Variants in RGS7BP observed in about 807,000 individuals in gnomAD.
RGS7BP encodes regulator of G protein signaling 7 binding protein, also known as regulator of G protein signaling 7-binding protein.
Under a neutral mutation model 31.3 loss-of-function variants are expected in RGS7BP, and 9 were observed. The ratio of observed to expected loss-of-function variants is 0.29; its 90% CI spans 0.17 to 0.50. RGS7BP has a LOEUF of 0.50. RGS7BP is among the 20% of genes least tolerant of loss of function. The pLI is 0.98. For synonymous variants in RGS7BP, 115 were observed against 120.1 expected (o/e 0.96, Z 0.28); for missense variants, 274 against 322.0 (o/e 0.85, Z 1.14).
intron 3 of RGS7BP, among the ~76,000 whole-genome samples, chr5:64,578,067 T>G (rs1458487372): frequency 6.6e-6 from 1 of 152,226 alleles, no homozygotes; most frequent in Non-Finnish European, 1.5e-5. Context: ...CTGCTAGCTA[T>G]CTGTTTATAA....
rs950053268 is a variant in RGS7BP, at chr5:64,566,514, C to A, written c.333-9260C>A. Among the ~76,000 whole-genome samples, 4 of 151,918 alleles carry A rather than the reference C, an allele frequency of 2.6e-5. No homozygotes were observed. In the East Asian group the frequency reaches 7.8e-4, roughly 29 times the overall value. ...GGTGGGATGAGATGTTACTAGTAAG[C>A]ATGTTCTGGGTGGTCCTCTGGGTGC... On this transcript the variant is annotated intron_variant, in intron 2 of 5. Coordinates refer to ENST00000334025, the MANE Select transcript of RGS7BP (RefSeq NM_001029875.3).
At chr5:64,558,581 T>A (rs1459987451) in intron 2 of RGS7BP, among the ~76,000 whole-genome samples, 1 of 152,096 alleles carries the variant, frequency 6.6e-6, no homozygotes, top group African/African-American at 2.4e-5. Context: ...AAGCCTGTGT[T>A]TTTGAACAAT....
intron 3 of RGS7BP, among the ~76,000 whole-genome samples, chr5:64,578,915 A>G (rs1295941950): frequency 6.6e-6 from 1 of 152,250 alleles, no homozygotes; most frequent in East Asian, 1.9e-4. Context: ...ACCAAATCAG[A>G]AATGCCTCTA....
chr5:64,557,347 ACT>A (rs1451239202), intron 2 of RGS7BP, among the ~76,000 whole-genome samples: 3 of 151,888 alleles, frequency 2.0e-5, no homozygotes, highest in South Asian at 4.2e-4. Context: ...TCCTGGTATT[ACT>A]CTTTCATTTT....
At chr5:64,595,004 T>A in intron 4 of RGS7BP, 147 bp downstream of exon 4, 1 of 807,566 alleles carries the variant, frequency 1.2e-6, no homozygotes, top group Non-Finnish European at 1.9e-6. Context: ...TCAGGGACCC[T>A]GGAGACTGCC....
chr5:64,582,827 A>C (rs753350424), intron 3 of RGS7BP, among the ~76,000 whole-genome samples: 1 of 152,230 alleles, frequency 6.6e-6, no homozygotes, highest in Non-Finnish European at 1.5e-5. Flanking sequence ...ATTCAGCATC[A>C]TATTAAGAAA....
At chr5:64,559,439 A>G (rs879931507) in intron 2 of RGS7BP, among the ~76,000 whole-genome samples, 2 of 152,180 alleles carry the variant, frequency 1.3e-5, no homozygotes, top group African/African-American at 2.4e-5. Flanking sequence ...CCTGCTTTAA[A>G]TATCAACCTT....
At chr5:64,593,596 A>G (rs1177217204) in intron 3 of RGS7BP, among the ~76,000 whole-genome samples, 1 of 152,152 alleles carries the variant, frequency 6.6e-6, no homozygotes, top group Non-Finnish European at 1.5e-5. Flanking sequence ...TATAATAGCT[A>G]CCCTTTTTTC....
intron 2 of RGS7BP, among the ~76,000 whole-genome samples, chr5:64,554,612 G>T (rs1037430352): frequency 6.6e-6 from 1 of 152,066 alleles, no homozygotes; most frequent in Admixed American, 6.6e-5. Flanking sequence ...AATACATCTC[G>T]GGAATCTACA....
At chr5:64,558,637 TCAGG>T (rs1741980818) in intron 2 of RGS7BP, among the ~76,000 whole-genome samples, 1 of 152,108 alleles carries the variant, frequency 6.6e-6, no homozygotes, top group Admixed American at 6.5e-5. Flanking sequence ...ATAGCAATGT[TCAGG>T]GAACAAGGGA....
At chr5:64,572,690 A>AT (rs1742326620) in intron 2 of RGS7BP, among the ~76,000 whole-genome samples, 1 of 152,088 alleles carries the variant, frequency 6.6e-6, no homozygotes, top group Admixed American at 6.6e-5. Context: ...GGTGGCACCT[A>AT]TTCAGTTCTT....
At chr5:64,595,518 T>C (rs1333713350) in intron 4 of RGS7BP, among the ~76,000 whole-genome samples, 5 of 152,148 alleles carry the variant, frequency 3.3e-5, no homozygotes, top group Admixed American at 3.3e-4. Context: ...GATTTTATTT[T>C]ATTTAGGAAA....
chr5:64,549,393 C>T (rs932048711), intron 2 of RGS7BP, among the ~76,000 whole-genome samples: 2 of 152,222 alleles, frequency 1.3e-5, no homozygotes, highest in Non-Finnish European at 2.9e-5. Context: ...TCCAGGTCAA[C>T]TGGGTGGCAG....
intron 2 of RGS7BP, among the ~76,000 whole-genome samples, chr5:64,539,000 A>G (rs901438375): frequency 6.6e-6 from 1 of 151,582 alleles, no homozygotes; most frequent in Non-Finnish European, 1.5e-5. Flanking sequence ...TTATCTATTC[A>G]CTCTCAGTTG....
intron 2 of RGS7BP, among the ~76,000 whole-genome samples, chr5:64,538,095 C>T (rs1243243495): frequency 6.6e-6 from 1 of 152,126 alleles, no homozygotes; most frequent in South Asian, 2.1e-4. Context: ...ATTTTACCTA[C>T]TTAGTGGAAA....
intron 2 of RGS7BP, among the ~76,000 whole-genome samples, chr5:64,524,521 A>T (rs1470314492): frequency 6.6e-6 from 1 of 152,166 alleles, no homozygotes; most frequent in African/African-American, 2.4e-5. Context: ...ATTTCTATGA[A>T]AATTTAATTT....
intron 2 of RGS7BP, among the ~76,000 whole-genome samples, chr5:64,553,912 G>C (rs972207582): frequency 2.0e-5 from 3 of 152,144 alleles, no homozygotes; most frequent in African/African-American, 7.2e-5. Flanking sequence ...GAGTTGAAAG[G>C]CAGCATGGTC....
At chr5:64,532,752 G>A (rs536559287) in intron 2 of RGS7BP, among the ~76,000 whole-genome samples, 1 of 151,776 alleles carries the variant, frequency 6.6e-6, no homozygotes, top group Non-Finnish European at 1.5e-5. Flanking sequence ...CATATTATTT[G>A]TGGAGTCTGT....
At chr5:64,602,730 A>ACT (rs1743251804) in intron 5 of RGS7BP, among the ~76,000 whole-genome samples, 1 of 152,120 alleles carries the variant, frequency 6.6e-6, no homozygotes, top group Non-Finnish European at 1.5e-5. Context: ...ACACACACAC[A>ACT]ATCGGAAAGA....
Sources: gnomAD v4.1 joint callset for allele counts (sites outside exome capture counted in the v4.1 genomes callset) on GRCh38, gnomAD v4.1.1 for gene constraint, MANE v1.5 for transcripts, NCBI Gene and HGNC (gene_info 2026-07-23, HGNC 2026-07-21) for gene names.